LCT: variants seen among roughly 807,000 people sequenced by gnomAD.
The protein encoded by LCT is lactase/phlorizin hydrolase.
In LCT, 90 loss-of-function variants were observed where a neutral mutation model predicts 173.0. The ratio of observed to expected loss-of-function variants is 0.52; its 90% CI spans 0.44 to 0.62. The LOEUF (loss-of-function observed/expected upper bound fraction) is 0.62. Among genes scored for constraint, LCT ranks in the 20% least tolerant of loss-of-function variants. The probability of loss-of-function intolerance (pLI) is 0.00; values close to 1 mark genes in which losing one functional copy is unlikely to be tolerated. For synonymous variants in LCT, 853 were observed against 957.6 expected (o/e 0.89, Z 2.02); for missense variants, 1,864 against 2,431.4 (o/e 0.77, Z 4.91).
chr2:135,830,246 C>A (rs190426580), intron 2 of LCT, among the ~76,000 whole-genome samples: 115 of 152,252 alleles, frequency 7.6e-4, no homozygotes, highest in African/African-American at 1.1e-3. Flanking sequence ...TTAGCAGAGA[C>A]AACCCTCATG....
intron 1 of LCT, among the ~76,000 whole-genome samples, chr2:135,834,459 A>G (rs1425097945): frequency 6.8e-6 from 1 of 147,202 alleles, no homozygotes; most frequent in East Asian, 2.2e-4. Flanking sequence ...TGCTGGGATT[A>G]CAAGCGTGAA....
Position 135,798,118 on chromosome 2 carries a change from T to A in LCT, c.4887A>T (p.Ala1629=), listed in dbSNP as rs752646739. 10 of 1,607,818 alleles carry A rather than the reference T, an allele frequency of 6.2e-6. No individual in the cohort carries two copies. The highest frequency in any genetic ancestry group is 8.5e-6 in the Non-Finnish European group (10 of 1,174,100). Residue 1629 remains alanine (A), a synonymous_variant, in exon 13 of 17, where the codon GCA becomes GCT. Transcript: ENST00000264162. Reference sequence around the variant, plus strand: ...AATCTCCATTCTTGAAAATAGGATGTGCAAACCAGCCTCCCATGAACTGCG... The same window carrying A: ...AATCTCCATTCTTGAAAATAGGATGAGCAAACCAGCCTCCCATGAACTGCG... The part of the protein sequence containing the change: ...RYVQFMGGWF[A]HPIFKNGDYN...
In LCT at chr2:135,788,444, A is replaced by G. The variant is rs753756238; in HGVS notation, c.5664T>C (p.Phe1888=). ...CACAGACTCCAAGAAGCACAAGAGA[A>G]AAGAGAACGTACAAAGCTGTCTGTG... ...TEAQTALYVL[F]SLVLLGVCGL... Residue 1888 remains phenylalanine (F), a synonymous_variant, in exon 17 of 17, where the codon TTT becomes TTC. Transcript: ENST00000264162. The G allele has an allele frequency of 1.2e-5, 20 of 1,614,022 alleles. No homozygotes were observed. Among genetic ancestry groups the G allele is most frequent in the Non-Finnish European group, 1.7e-5 (20 of 1,179,932 alleles).
chr2:135,836,586 A>G lies in LCT; in HGVS notation c.584T>C (p.Leu195Pro), dbSNP rs1318180498. The change falls in exon 1 of 17, where the codon CTC (leucine) becomes CCC (proline). Residue 195 changes from leucine to proline, a missense_variant. By Grantham distance (98) the Leu-to-Pro change is moderately conservative. Transcript: ENST00000264162. ...QESRASQLQT[L>P]SDAHRKAYEI... is the part of the protein sequence containing the mutation. ...ATAGGCTTTTCTGTGGGCATCACTG[A>G]GGGTCTGGAGTTGTGACGCTCTTGA... is the stretch of plus-strand genomic sequence containing the variant. The G allele has an allele frequency of 6.2e-7, 1 of 1,614,004 alleles. No individual in the cohort carries two copies. The highest frequency in any genetic ancestry group is 8.5e-7 in the Non-Finnish European group (1 of 1,179,906).
intron 3 of LCT, among the ~76,000 whole-genome samples, chr2:135,825,870 C>G (rs2077885254): frequency 6.6e-6 from 1 of 152,186 alleles, no homozygotes; most frequent in Non-Finnish European, 1.5e-5. Flanking sequence ...GGGTGGGGTT[C>G]CAGGACAGGG....
intron 14 of LCT, 87 bp downstream of exon 14, chr2:135,794,554 A>AG: frequency 1.4e-6 from 2 of 1,425,912 alleles, no homozygotes; most frequent in Non-Finnish European, 2.0e-6. Context: ...CCCTGTTTTG[A>AG]GGCTGGGCAG....
At chr2:135,811,006 G>A (rs1437047180) in intron 7 of LCT, among the ~76,000 whole-genome samples, 2 of 149,510 alleles carry the variant, frequency 1.3e-5, no homozygotes, top group Admixed American at 6.7e-5. Context: ...CAGCCTCGGC[G>A]ACAGAGCCAG....
In LCT at chr2:135,812,342, G is replaced by A. The variant is rs1558739393; in HGVS notation, c.2322C>T (p.Tyr774=). The change falls in exon 7 of 17, where the codon TAC becomes TAT. Residue 774 remains tyrosine (Y), a synonymous_variant. Coordinates refer to ENST00000264162, the MANE Select transcript of LCT (RefSeq NM_002299.4). Reference sequence around the variant, plus strand: ...GCACCTCATTGATATATTGATTGAAGTAGTCTACTCTTAAGGAATCATCAA... The same window carrying A: ...GCACCTCATTGATATATTGATTGAAATAGTCTACTCTTAAGGAATCATCAA... ...NLFDDSLRVD[Y]FNQYINEVLK... 1.2e-6 allele frequency: 2 copies of A among 1,613,852 alleles called. No individual in the cohort carries two copies. Among genetic ancestry groups the A allele is most frequent in the Non-Finnish European group, 1.7e-6 (2 of 1,179,720 alleles).
chr2:135,818,197 C>A, intron 5 of LCT, 136 bp from the exon 6 acceptor site: 1 of 1,027,818 alleles, frequency 9.7e-7, no homozygotes, highest in Non-Finnish European at 1.5e-6. Flanking sequence ...TCTGCAAAGC[C>A]ATGGGCAGGA....
intron 11 of LCT, among the ~76,000 whole-genome samples, chr2:135,802,470 A>G (rs1355890240): frequency 6.6e-6 from 1 of 152,244 alleles, no homozygotes; most frequent in Non-Finnish European, 1.5e-5. Context: ...CTAAGTGTCC[A>G]TCAACAGATG....
intron 13 of LCT, among the ~76,000 whole-genome samples, chr2:135,795,452 G>C (rs1963885): frequency 0.78 from 118,828 of 151,700 alleles, 47,000 homozygotes; most frequent in Non-Finnish European, 0.84. Flanking sequence ...CAAGTGATCC[G>C]CCCACCTCAG....
In LCT at chr2:135,836,006, A is replaced by C. The variant is rs1209203979; in HGVS notation, c.640+524T>G. 7.0e-4 allele frequency among the ~76,000 whole-genome samples: 16 copies of C among 22,882 alleles called. 1 individual carries two copies. The highest frequency in any genetic ancestry group is 1.3e-3 in the African/African-American group (16 of 12,570). The allele number at this position is 22,882 out of a possible 152,430, so 15.0% of individuals were successfully genotyped here. A position where few individuals can be genotyped will look rare whatever the true frequency, so the allele number is the denominator to read the frequency against. ...TATATATATATATATATATATATAT[A>C]TATATATATGTATACATATTTTTTT... On this transcript the variant is annotated intron_variant, in intron 1 of 16. Transcript: ENST00000264162.
intron 13 of LCT, 39 bp downstream of exon 13, chr2:135,797,990 A>T (rs752152851): frequency 8.9e-7 from 1 of 1,129,004 alleles, no homozygotes. Flanking sequence ...TGTGACCCCG[A>T]CGCCCATGCC....
chr2:135,822,213 C>A, intron 4 of LCT, 115 bp from the exon 5 acceptor site: 2 of 744,944 alleles, frequency 2.7e-6, no homozygotes, highest in East Asian at 2.5e-5. Context: ...GCAGTGGTTC[C>A]AAGCCCCTTT....
intron 14 of LCT, chr2:135,794,368 C>T (rs1345315984): frequency 1.9e-5 from 8 of 411,314 alleles, no homozygotes; most frequent in South Asian, 3.7e-5. Flanking sequence ...TGAAAAAGAA[C>T]GCAAAATAAA....
intron 5 of LCT, among the ~76,000 whole-genome samples, chr2:135,819,754 T>C (rs957634269): frequency 2.0e-5 from 3 of 152,138 alleles, no homozygotes. Flanking sequence ...ATGTGTCGCG[T>C]CCCCTCGGTG....
chr2:135,837,122 T>C lies in LCT; in HGVS notation c.48A>G (p.Ser16=), dbSNP rs767736941. The change falls in exon 1 of 17, where the codon TCA becomes TCG. Residue 16 remains serine (S), a synonymous_variant. Transcript: ENST00000264162. ...HVVFIALLSF[S]CWGSDWESDR... ...CAGACTCCCAGTCTGACCCCCAGCATGAAAAACTTAGCAGGGCAATAAAGA... is the reference window on the plus strand; with the variant it reads ...CAGACTCCCAGTCTGACCCCCAGCACGAAAAACTTAGCAGGGCAATAAAGA... 1.9e-6 allele frequency: 3 copies of C among 1,613,968 alleles called. No homozygotes were observed. The highest frequency in any genetic ancestry group is 1.7e-5 in the Admixed American group (1 of 59,988).
In LCT at chr2:135,804,888, C is replaced by T; in HGVS notation, c.4343G>A (p.Arg1448His). 1.1e-5 allele frequency: 18 copies of T among 1,614,120 alleles called. No individual in the cohort carries two copies. The highest frequency in any genetic ancestry group is 1.5e-5 in the Non-Finnish European group (18 of 1,180,026). The change falls in exon 10 of 17, where the codon CGT (arginine) becomes CAT (histidine). Residue 1448 changes from arginine to histidine, a missense_variant. Coordinates refer to ENST00000264162, the MANE Select transcript of LCT (RefSeq NM_002299.4). ...TLQNLGVSHYRFSISWSRILP... is the reference protein window; with the variant it reads ...TLQNLGVSHYHFSISWSRILP... ...GATGCGAGACCAGGAGATGGAAAAA[C>T]GGTAGTGGGACACGCCCAGGTTCTG...
At chr2:135,816,212 G>A (rs926906347) in intron 6 of LCT, among the ~76,000 whole-genome samples, 5 of 152,196 alleles carry the variant, frequency 3.3e-5, no homozygotes, top group African/African-American at 4.8e-5. Context: ...CCTGACTGGC[G>A]TCTGGAAAGC....
Sources: gnomAD v4.1 joint callset for allele counts (sites outside exome capture counted in the v4.1 genomes callset) on GRCh38, gnomAD v4.1.1 for gene constraint, MANE v1.5 for transcripts, NCBI Gene and HGNC (gene_info 2026-07-23, HGNC 2026-07-21) for gene names.